SYNDIG1L: variants seen among roughly 807,000 people sequenced by gnomAD.
SYNDIG1L encodes the protein synapse differentiation inducing 1 like.
Under a neutral mutation model 20.1 loss-of-function variants are expected in SYNDIG1L, and 13 were observed. The ratio of observed to expected loss-of-function variants is 0.65; its 90% confidence interval spans 0.42 to 1.03. The LOEUF (loss-of-function observed/expected upper bound fraction) is 1.03, where lower values mean the gene tolerates loss of function less well. SYNDIG1L is among the 50% of genes least tolerant of loss of function. The pLI, the probability that SYNDIG1L is intolerant of heterozygous loss-of-function variation, is 0.00. For synonymous variants in SYNDIG1L, 128 were observed against 129.3 expected (o/e 0.99, Z 0.07); for missense variants, 294 against 305.1 (o/e 0.96, Z 0.27).
Position 74,406,887 on chromosome 14 carries a change from A to G in SYNDIG1L, c.*648T>C, listed in dbSNP as rs2086085756. 6.6e-6 allele frequency: 1 copy of G among 152,508 alleles called. No homozygotes were observed. Among genetic ancestry groups the G allele is most frequent in the Admixed American group, 6.5e-5 (1 of 15,322 alleles). 9.4% of individuals were successfully genotyped at this position (152,508 alleles called of 1,614,324 possible). A position where few individuals can be genotyped will look rare whatever the true frequency, so the allele number is the denominator to read the frequency against. On this transcript the variant is annotated 3_prime_UTR_variant, in exon 4 of 4. Transcript: ENST00000331628. ...AGCTCCAAGAACCTGCCCTTGGTTC[A>G]GAGTTTACATACCGAGGCTCCTCTT...
chr14:74,476,565 A>T, the SYNDIG1L span: 2 of 1,535,588 alleles, frequency 1.3e-6, no homozygotes, highest in Non-Finnish European at 1.7e-6. Flanking sequence ...AGCATTGGGC[A>T]GTGAGCAGAG....
chr14:74,462,726 G>A, the SYNDIG1L span, among the ~76,000 whole-genome samples: 5 of 151,948 alleles, frequency 3.3e-5, no homozygotes, highest in Non-Finnish European at 4.4e-5. Flanking sequence ...GGCTGGTCTC[G>A]AACTCCTGAA....
rs1480706411 is a variant in SYNDIG1L at position 74,409,435 on chromosome 14, G to C, written c.310C>G (p.Gln104Glu). The change falls in exon 2 of 4, where the codon CAG (glutamine) becomes GAG (glutamate). Residue 104 changes from glutamine to glutamate, a missense_variant. By Grantham distance (29) the Gln-to-Glu change is conservative (BLOSUM62 2). Coordinates refer to ENST00000331628, the MANE Select transcript of SYNDIG1L (RefSeq NM_001105579.2). Reference protein sequence around the residue: ...DREPQEGPPEQPTGPGQAAEN... With the variant: ...DREPQEGPPEEPTGPGQAAEN... ...GCAGCTTGGCCAGGTCCTGTGGGCT[G>C]CTCTGGAGGCCCCTCCTGGGGCTCC... The C allele has an allele frequency of 3.1e-6, 5 of 1,613,676 alleles. No homozygotes were observed. In the Admixed American group the frequency reaches 8.3e-5, roughly 27 times the overall value.
chr14:74,468,601 C>A, the SYNDIG1L span, among the ~76,000 whole-genome samples: 8 of 152,166 alleles, frequency 5.3e-5, no homozygotes, highest in Non-Finnish European at 8.8e-5. Context: ...TCTTCCCCCA[C>A]ACACACTGCA....
At chr14:74,429,174 C>A (rs115644230), upstream of SYNDIG1L, among the ~76,000 whole-genome samples, 640 of 152,266 alleles carry the variant, frequency 4.2e-3, 6 homozygotes, top group African/African-American at 0.015. Flanking sequence ...GGCAGAGCAG[C>A]CCTGGAAGCT....
At chr14:74,414,339 T>G (rs1043778163) in intron 1 of SYNDIG1L, among the ~76,000 whole-genome samples, 2 of 152,170 alleles carry the variant, frequency 1.3e-5, no homozygotes, top group African/African-American at 4.8e-5. Context: ...CTCCAAATTG[T>G]GCAGCTGGGG....
At chr14:74,478,404 A>C in the SYNDIG1L span, among the ~76,000 whole-genome samples, 1 of 152,242 alleles carries the variant, frequency 6.6e-6, no homozygotes, top group Middle Eastern at 3.2e-3. Context: ...TATATTTTAG[A>C]ACTTAGATAT....
At chr14:74,476,419 G>A in the SYNDIG1L span, 1 of 936,210 alleles carries the variant, frequency 1.1e-6, no homozygotes, top group Admixed American at 2.0e-5. Context: ...ATTTGTGGAG[G>A]ACGGCCTGCT....
chr14:74,435,537 A>T, the SYNDIG1L span, among the ~76,000 whole-genome samples: 1 of 152,236 alleles, frequency 6.6e-6, no homozygotes, highest in Non-Finnish European at 1.5e-5. Context: ...GTAGAATGAT[A>T]GCTTCTGATA....
intron 1 of SYNDIG1L, among the ~76,000 whole-genome samples, chr14:74,410,721 G>A (rs1463735555): frequency 2.0e-5 from 3 of 152,194 alleles, no homozygotes; most frequent in African/African-American, 4.8e-5. Flanking sequence ...ATGGGAGCGC[G>A]CTGAGTCCAG....
At chr14:74,476,142 T>C in the SYNDIG1L span, 1 of 421,536 alleles carries the variant, frequency 2.4e-6, no homozygotes, top group African/African-American at 2.0e-5. Flanking sequence ...TTTCCTATGT[T>C]GATCCATTTG....
rs568397152 is a variant in SYNDIG1L, at chr14:74,419,548, T to A, written c.-58+6364A>T. Among the ~76,000 whole-genome samples, 4 of 152,298 alleles carry A rather than the reference T, an allele frequency of 2.6e-5. No homozygotes were observed. The East Asian group carries it at 7.7e-4, about 29-fold the overall frequency. On this transcript the variant is annotated intron_variant, in intron 1 of 3. Coordinates refer to ENST00000331628, the MANE Select transcript of SYNDIG1L (RefSeq NM_001105579.2). ...AATAAACATTTCTTGAACAATTACT[T>A]CAGGCCAGTTATTGGGTTGCAAAAA...
At chr14:74,411,034 T>G (rs530855580) in intron 1 of SYNDIG1L, among the ~76,000 whole-genome samples, 1 of 152,188 alleles carries the variant, frequency 6.6e-6, no homozygotes, top group African/African-American at 2.4e-5. Flanking sequence ...CAGGTGCAAG[T>G]GGGGTATGGA....
intron 1 of SYNDIG1L, among the ~76,000 whole-genome samples, chr14:74,413,419 C>T (rs1301082725): frequency 6.6e-6 from 1 of 152,156 alleles, no homozygotes; most frequent in African/African-American, 2.4e-5. Context: ...GGCCTTCAAA[C>T]AGGTTTACAA....
the SYNDIG1L span, among the ~76,000 whole-genome samples, chr14:74,477,960 C>A: frequency 6.6e-6 from 1 of 152,228 alleles, no homozygotes; most frequent in African/African-American, 2.4e-5. Flanking sequence ...CCCACGGGAG[C>A]CCTACCTAGC....
At chr14:74,440,764 T>A in the SYNDIG1L span, among the ~76,000 whole-genome samples, 1 of 152,152 alleles carries the variant, frequency 6.6e-6, no homozygotes, top group Non-Finnish European at 1.5e-5. Context: ...TATTTTTTTT[T>A]AAAGACGTGA....
At chr14:74,432,865 GAGAC>G in the SYNDIG1L span, among the ~76,000 whole-genome samples, 2 of 151,568 alleles carry the variant, frequency 1.3e-5, no homozygotes, top group Admixed American at 6.6e-5. Context: ...AAAAAAAAAA[GAGAC>G]AGAAGGAGAG....
chr14:74,424,953 A>C (rs2086253275), intron 1 of SYNDIG1L, among the ~76,000 whole-genome samples: 1 of 152,206 alleles, frequency 6.6e-6, no homozygotes, highest in Non-Finnish European at 1.5e-5. Context: ...GCCAGCACCC[A>C]GCCAGGAACT....
intron 1 of SYNDIG1L, among the ~76,000 whole-genome samples, chr14:74,413,895 C>A (rs2086153665): frequency 6.6e-6 from 1 of 152,194 alleles, no homozygotes; most frequent in Admixed American, 6.5e-5. Context: ...TCATGGTTCT[C>A]TACACAGCTC....
Sources: allele counts gnomAD v4.1 joint callset (sites outside exome capture counted in the v4.1 genomes callset), GRCh38; gene constraint gnomAD v4.1.1; transcripts MANE v1.5; gene names NCBI Gene and HGNC (gene_info 2026-07-23, HGNC 2026-07-21).